Variants in AGO2 observed in about 807,000 individuals in gnomAD.
AGO2 encodes the protein argonaute RISC catalytic component 2, also known as protein argonaute-2.
AGO2 carries 5 observed loss-of-function variants against 102.3 expected under a neutral mutation model. The observed-to-expected ratio is 0.05, with a 90% CI of 0.03 to 0.10. The LOEUF (loss-of-function observed/expected upper bound fraction) is 0.10. Among genes scored for constraint, AGO2 ranks in the 10% least tolerant of loss-of-function variants. The pLI is 1.00. For synonymous variants in AGO2, 449 were observed against 473.1 expected, an observed-to-expected ratio of 0.95 and a Z score of 0.66; for missense variants, 541 against 1,183.7, an observed-to-expected ratio of 0.46 and a Z score of 7.97.
upstream of AGO2, among the ~76,000 whole-genome samples, chr8:140,640,478 T>G (rs1010420427): frequency 6.6e-6 from 1 of 152,116 alleles, no homozygotes; most frequent in African/African-American, 2.4e-5. Context: ...CTATGAGGTG[T>G]GGGTGCCCTT....
intron 2 of AGO2, among the ~76,000 whole-genome samples, chr8:140,584,136 T>TAAAAAA (rs11361657): frequency 8.5e-6 from 1 of 116,990 alleles, no homozygotes; most frequent in African/African-American, 3.3e-5. Flanking sequence ...AGAAACTCAG[T>TAAAAAA]AAAAAAAAAA....
intron 2 of AGO2, among the ~76,000 whole-genome samples, chr8:140,582,403 G>T (rs141538961): frequency 6.6e-6 from 1 of 152,198 alleles, no homozygotes; most frequent in Non-Finnish European, 1.5e-5. Context: ...CATTTTGGGT[G>T]TCAGGTTTTC....
intron 17 of AGO2, among the ~76,000 whole-genome samples, chr8:140,533,412 T>C (rs2072638754): frequency 2.9e-5 from 4 of 138,616 alleles, no homozygotes; most frequent in East Asian, 2.2e-4. Flanking sequence ...AAAAAAGATA[T>C]AAAGCAATAT....
chr8:140,609,309 C>T (rs946190657), intron 1 of AGO2, among the ~76,000 whole-genome samples: 8 of 152,248 alleles, frequency 5.3e-5, no homozygotes, highest in African/African-American at 1.9e-4. Context: ...CTAGGATGGG[C>T]ATCACACCCG....
At chr8:140,544,479 T>C (rs1460354147) in intron 13 of AGO2, among the ~76,000 whole-genome samples, 176 bp from the exon 14 acceptor site, 3 of 152,360 alleles carry the variant, frequency 2.0e-5, no homozygotes, top group Non-Finnish European at 4.4e-5. Context: ...ACACAAGGTC[T>C]GAAATCTGCT....
Position 140,538,232 on chromosome 8 carries a change from C to T in AGO2, c.2169+1088G>A, listed in dbSNP as rs564131074. Among the ~76,000 whole-genome samples, 10 of 152,262 alleles carry T rather than the reference C, an allele frequency of 6.6e-5. No individual in the cohort carries two copies. The South Asian group carries it at 2.1e-3, about 32-fold the overall frequency. On this transcript the variant is annotated intron_variant, in intron 16 of 18. Transcript: ENST00000220592. The stretch of plus-strand genomic sequence containing the variant: ...AACCTTCCCTGTGTCCTTGCACAGC[C>T]GTGCCTGTAGGGAGTCTAACACTCT...
intron 8 of AGO2, 70 bp from the exon 9 acceptor site, chr8:140,556,356 CAG>C: frequency 6.3e-7 from 1 of 1,586,720 alleles, no homozygotes; most frequent in Non-Finnish European, 8.6e-7. Flanking sequence ...GCAGGGGGCT[CAG>C]GGGCTGGTGG....
chr8:140,534,861 C>A (rs2072667656), intron 17 of AGO2, among the ~76,000 whole-genome samples: 2 of 152,226 alleles, frequency 1.3e-5, no homozygotes, highest in South Asian at 4.1e-4. Context: ...CAGCTCCTAC[C>A]ACGGACGTGG....
intron 14 of AGO2, 21 bp from the exon 15 acceptor site, chr8:140,541,379 T>G (rs1588440102): frequency 6.3e-7 from 1 of 1,581,072 alleles, no homozygotes; most frequent in South Asian, 1.1e-5. Context: ...AGGCAGTGAG[T>G]GTGGTCAGGG....
chr8:140,605,255 C>T (rs1000526552), intron 1 of AGO2, among the ~76,000 whole-genome samples: 5 of 152,018 alleles, frequency 3.3e-5, no homozygotes, highest in African/African-American at 9.7e-5. Flanking sequence ...CCACCATGCC[C>T]GGCTAATTTT....
chr8:140,618,399 GA>G (rs1381412990), intron 1 of AGO2, among the ~76,000 whole-genome samples: 1 of 152,030 alleles, frequency 6.6e-6, no homozygotes. Flanking sequence ...CAAGGCAGGA[GA>G]AACACTTGAA....
At chr8:140,610,648 T>C (rs1385557953) in intron 1 of AGO2, among the ~76,000 whole-genome samples, 1 of 152,198 alleles carries the variant, frequency 6.6e-6, no homozygotes, top group East Asian at 1.9e-4. Context: ...CCGGCTCCCA[T>C]ACCCACAGCC....
rs2072954195 is a variant in AGO2 at position 140,549,223 on chromosome 8, T to C, written c.1479A>G (p.Lys493=). The change falls in exon 12 of 19, where the codon AAA becomes AAG. Residue 493 remains lysine (K), a synonymous_variant. Transcript: ENST00000220592. ...MPIQGQPCFC[K]YAQGADSVEP... Reference sequence around the variant, plus strand: ...CCACGCTGTCCGCCCCCTGCGCGTATTTGCAGAAGCACGGCTGGCCCTGGA... The same window carrying C: ...CCACGCTGTCCGCCCCCTGCGCGTACTTGCAGAAGCACGGCTGGCCCTGGA... The C allele has an allele frequency of 6.2e-6, 10 of 1,613,680 alleles. No homozygotes were observed. Among genetic ancestry groups the C allele is most frequent in the Non-Finnish European group, 7.6e-6 (9 of 1,179,776 alleles).
At chr8:140,538,642 C>G (rs1055050118) in intron 16 of AGO2, among the ~76,000 whole-genome samples, 14 of 152,224 alleles carry the variant, frequency 9.2e-5, no homozygotes, top group Non-Finnish European at 1.9e-4. Flanking sequence ...CCACAGGGAC[C>G]TGCCGGGAGG....
At chr8:140,558,090 C>T (rs1453649198) in intron 7 of AGO2, among the ~76,000 whole-genome samples, 1 of 152,230 alleles carries the variant, frequency 6.6e-6, no homozygotes, top group East Asian at 1.9e-4. Flanking sequence ...CTCCGGCCTG[C>T]GTACCAAACC....
At chr8:140,593,122 C>A (rs1469935795) in intron 1 of AGO2, 3 of 152,200 alleles carry the variant, frequency 2.0e-5, no homozygotes, top group African/African-American at 7.2e-5. Context: ...CCAAAACATA[C>A]AAGAATCTGA....
intron 1 of AGO2, 108 bp downstream of exon 1, chr8:140,635,377 G>C: frequency 2.0e-4 from 90 of 441,372 alleles, no homozygotes; most frequent in Non-Finnish European, 2.5e-4. Flanking sequence ...CCGCCGCCCC[G>C]ACCCCGCGGC....
rs770747656 is a variant in AGO2, at chr8:140,559,369, C to T, written c.790+26G>A. The T allele has an allele frequency of 7.5e-6, 12 of 1,609,788 alleles. No individual in the cohort carries two copies. The South Asian group carries it at 1.2e-4, about 16-fold the overall frequency. ...CGGGAAGGGGCCTCCCAGCCCTCAG[C>T]CAGGTGTGCTGGGACAGTTCATTAC... On this transcript the variant is annotated intron_variant, in intron 6 of 18. Transcript: ENST00000220592.
chr8:140,547,690 C>T lies in AGO2; in HGVS notation c.1589-63G>A, dbSNP rs534648864. Reference sequence around the variant, plus strand: ...CCCCTTCCTCAGCTGGCCCCGAGAGCAGCAGCTGCCACCAGCCCTCTTGCC... The same window carrying T: ...CCCCTTCCTCAGCTGGCCCCGAGAGTAGCAGCTGCCACCAGCCCTCTTGCC... On this transcript the variant is annotated intron_variant, in intron 12 of 18. Transcript: ENST00000220592. The T allele has an allele frequency of 2.7e-5, 42 of 1,552,448 alleles. No individual in the cohort carries two copies. The African/African-American group carries it at 5.5e-4, about 20-fold the overall frequency.
Sources: allele counts gnomAD v4.1 joint callset (sites outside exome capture counted in the v4.1 genomes callset), GRCh38; gene constraint gnomAD v4.1.1; transcripts MANE v1.5; gene names NCBI Gene and HGNC (gene_info 2026-07-23, HGNC 2026-07-21).